Variants in LHPP observed in about 807,000 individuals in gnomAD.
LHPP encodes hLHPP.
A neutral mutation model predicts 30.3 loss-of-function variants in LHPP; 24 were observed. The ratio of observed to expected loss-of-function variants is 0.79; its 90% CI spans 0.57 to 1.11. The LOEUF is 1.11. Among genes scored for constraint, LHPP ranks in the 50% most tolerant of loss-of-function variants. LHPP has a pLI of 0.00. For missense variants in LHPP, 356 were observed against 367.2 expected (o/e 0.97, Z 0.25); for synonymous variants, 150 against 157.1 (o/e 0.95, Z 0.34).
Position 124,613,248 on chromosome 10 carries a change from C to T in LHPP, c.717-16C>T, listed in dbSNP as rs1564854433. On this transcript the variant is annotated splice_polypyrimidine_tract_variant and intron_variant, in intron 6 of 6. Coordinates refer to ENST00000368842, the MANE Select transcript of LHPP (RefSeq NM_022126.4). Reference sequence around the variant, plus strand: ...CAGCGTGGGGGCACTGACTAACCTCCGGCCATCCTCTCCAGGCCCAGTGAC... The same window carrying T: ...CAGCGTGGGGGCACTGACTAACCTCTGGCCATCCTCTCCAGGCCCAGTGAC... 1.9e-6 allele frequency: 3 copies of T among 1,603,136 alleles called. No homozygotes were observed. Among genetic ancestry groups the T allele is most frequent in the South Asian group, 1.1e-5 (1 of 90,890 alleles).
intron 6 of LHPP, among the ~76,000 whole-genome samples, chr10:124,582,246 AATTTTT>A (rs1255594127): frequency 6.6e-6 from 1 of 152,076 alleles, no homozygotes; most frequent in African/African-American, 2.4e-5. Flanking sequence ...ATTCTTGGTG[AATTTTT>A]ATTTTTATTT....
At chr10:124,507,508 T>G (rs1589810097) in intron 5 of LHPP, among the ~76,000 whole-genome samples, 1 of 1,016 alleles carries the variant, frequency 9.8e-4, no homozygotes, top group Admixed American at 0.01. Flanking sequence ...GGTGGGGGGA[T>G]AGGGAGTATT....
chr10:124,508,096 G>A (rs1364161035), intron 5 of LHPP, among the ~76,000 whole-genome samples: 1 of 151,980 alleles, frequency 6.6e-6, no homozygotes, highest in Non-Finnish European at 1.5e-5. Flanking sequence ...TAGGGGTCTG[G>A]GGACAGTCTG....
chr10:124,503,455 G>A (rs955369531), intron 5 of LHPP, among the ~76,000 whole-genome samples: 2 of 151,984 alleles, frequency 1.3e-5, no homozygotes, highest in African/African-American at 2.4e-5. Flanking sequence ...CTGCTCTAGA[G>A]GTTTATGACC....
chr10:124,603,329 C>G (rs1949051055), intron 6 of LHPP, among the ~76,000 whole-genome samples: 1 of 152,154 alleles, frequency 6.6e-6, no homozygotes, highest in African/African-American at 2.4e-5. Context: ...CTCCTCCCTC[C>G]CCACCCCTCC....
At position 124,510,262 on chromosome 10, in the gene LHPP, C is replaced by T. The variant is rs992875136; in HGVS notation, c.625-6918C>T. Among the ~76,000 whole-genome samples the T allele has an allele frequency of 5.9e-5, 9 of 152,226 alleles. No individual in the cohort carries two copies. Among genetic ancestry groups the T allele is most frequent in the South Asian group, 2.1e-4 (1 of 4,836 alleles). ...CCTAAATGATTTGGCAATAATTGCT[C>T]CTCCTTGCGTGATTATTGCCCTTCA... On this transcript the variant is annotated intron_variant, in intron 5 of 6. Coordinates refer to ENST00000368842, the MANE Select transcript of LHPP (RefSeq NM_022126.4). The surrounding 1 kb of genome is among the most constrained non-coding windows in gnomAD (Gnocchi z 4.0).
intron 1 of LHPP, among the ~76,000 whole-genome samples, chr10:124,470,193 C>T (rs1005408194): frequency 1.3e-5 from 2 of 152,116 alleles, no homozygotes; most frequent in African/African-American, 2.4e-5. Context: ...AGGCCGGCCT[C>T]GGGGCCCTGG....
chr10:124,476,574 C>CCAGCAGCA (rs1952952160), intron 1 of LHPP, among the ~76,000 whole-genome samples: 1 of 152,152 alleles, frequency 6.6e-6, no homozygotes, highest in Non-Finnish European at 1.5e-5. Flanking sequence ...GGACAGATGC[C>CCAGCAGCA]GATCTGTTGC....
At chr10:124,490,403 C>T (rs1953485687) in intron 3 of LHPP, 1 of 330,320 alleles carries the variant, frequency 3.0e-6, no homozygotes, top group Non-Finnish European at 6.4e-6. Flanking sequence ...AGGCAAACTC[C>T]TTCCTGCAAC....
intron 6 of LHPP, among the ~76,000 whole-genome samples, chr10:124,558,405 A>G (rs1484279628): frequency 6.6e-6 from 1 of 152,246 alleles, no homozygotes. Flanking sequence ...AGGAGGAAGC[A>G]TCACTCACTT....
intron 5 of LHPP, among the ~76,000 whole-genome samples, chr10:124,509,320 C>T (rs914643387): frequency 2.6e-5 from 4 of 152,172 alleles, no homozygotes; most frequent in Admixed American, 2.6e-4. Flanking sequence ...TGACCATTTC[C>T]TATTGATGGA....
intron 6 of LHPP, chr10:124,526,045 A>C: frequency 2.9e-6 from 1 of 347,490 alleles, no homozygotes; most frequent in Non-Finnish European, 4.1e-6. Flanking sequence ...CAACCCCAGG[A>C]ATTTGCCTCT....
chr10:124,577,571 T>TA (rs2133987479), intron 6 of LHPP, among the ~76,000 whole-genome samples: 1 of 130,776 alleles, frequency 7.6e-6, no homozygotes, highest in South Asian at 2.7e-4. Context: ...CTTAGAGGCC[T>TA]GGCCCTGCCT....
chr10:124,551,438 A>G (rs1948163453), intron 6 of LHPP, among the ~76,000 whole-genome samples: 2 of 152,094 alleles, frequency 1.3e-5, no homozygotes, highest in African/African-American at 4.8e-5. Context: ...CTCCTTGCTC[A>G]CGCTGCCTGC....
chr10:124,592,942 G>A lies in LHPP; in HGVS notation c.717-20322G>A, dbSNP rs1248491999. Among the ~76,000 whole-genome samples the A allele has an allele frequency of 6.6e-6, 1 of 152,246 alleles. No homozygotes were observed. The highest frequency in any genetic ancestry group is 2.4e-5 in the African/African-American group (1 of 41,466). On this transcript the variant is annotated intron_variant, in intron 6 of 6. Transcript: ENST00000368842. This position sits in a 1 kb window ranked among gnomAD's most constrained non-coding sequence, Gnocchi z 6.2. ...CCCCAGGCAGGCTGGCGTCCCGGGGGCCAGAATGAATGGACCCTCACTGGG... is the reference window on the plus strand; with the variant it reads ...CCCCAGGCAGGCTGGCGTCCCGGGGACCAGAATGAATGGACCCTCACTGGG...
At chr10:124,462,118 A>T in intron 1 of LHPP, 131 bp downstream of exon 1, 1 of 847,022 alleles carries the variant, frequency 1.2e-6, no homozygotes, top group Admixed American at 4.9e-5. Context: ...CCCCCTTCCC[A>T]CCCCGGTGCG....
chr10:124,548,673 C>G (rs548417548), intron 6 of LHPP, among the ~76,000 whole-genome samples: 1 of 152,172 alleles, frequency 6.6e-6, no homozygotes, highest in Non-Finnish European at 1.5e-5. Flanking sequence ...TTGACCACCT[C>G]GGGATCAAGA....
At chr10:124,564,610 G>C (rs566108547) in intron 6 of LHPP, among the ~76,000 whole-genome samples, 1 of 152,220 alleles carries the variant, frequency 6.6e-6, no homozygotes, top group East Asian at 1.9e-4. Flanking sequence ...CCTTCCTACA[G>C]ATATGAACAG....
chr10:124,483,771 T>TA (rs946728640), intron 1 of LHPP, among the ~76,000 whole-genome samples: 2 of 121,892 alleles, frequency 1.6e-5, no homozygotes, highest in South Asian at 2.5e-4. Flanking sequence ...AATAAAGAAA[T>TA]AAAAAAAATA....
Sources: gnomAD v4.1 joint callset for allele counts (sites outside exome capture counted in the v4.1 genomes callset) on GRCh38, gnomAD v4.1.1 for gene constraint, Gnocchi (gnomAD v3.1) non-coding constraint, MANE v1.5 for transcripts, NCBI Gene and HGNC (gene_info 2026-07-23, HGNC 2026-07-21) for gene names.